GBP2: variants seen among roughly 807,000 people sequenced by gnomAD.
GBP2 encodes guanylate binding protein 2.
In GBP2, 54 loss-of-function variants were observed where a neutral mutation model predicts 60.8. The ratio of observed to expected loss-of-function variants is 0.89; its 90% CI spans 0.71 to 1.11. The LOEUF (loss-of-function observed/expected upper bound fraction) is 1.11, where lower values mean the gene tolerates loss of function less well. GBP2 is among the 50% of genes most tolerant of loss of function. The probability of loss-of-function intolerance (pLI) is 0.00; values close to 1 mark genes in which losing one functional copy is unlikely to be tolerated. For missense variants in GBP2, 665 were observed against 703.3 expected, an observed-to-expected ratio of 0.95 and a Z score of 0.62; for synonymous variants, 243 against 256.5, an observed-to-expected ratio of 0.95 and a Z score of 0.50.
chr1:89,113,484 T>C (rs1471398652), intron 7 of GBP2, among the ~76,000 whole-genome samples: 7 of 152,208 alleles, frequency 4.6e-5, no homozygotes, highest in Non-Finnish European at 1.0e-4. Flanking sequence ...CCTGCCTTCC[T>C]AGCTAGGGAA....
Position 89,110,211 on chromosome 1 carries a change from A to G in GBP2, c.1418T>C (p.Leu473Pro), listed in dbSNP as rs773147387. Residue 473 changes from leucine to proline, a missense_variant, in exon 9 of 11, where the codon CTT (leucine) becomes CCT (proline). By Grantham distance (98) the Leu-to-Pro change is moderately conservative. Transcript: ENST00000370466. ...TGAGAGTGACTGATCAGTCTGTAGAAGTGCATCAGCCACATCCTCCTTGGA... is the reference window on the plus strand; with the variant it reads ...TGAGAGTGACTGATCAGTCTGTAGAGGTGCATCAGCCACATCCTCCTTGGA... ...LESKEDVADA[L>P]LQTDQSLSEK... 17 of 1,613,842 alleles carry G rather than the reference A, an allele frequency of 1.1e-5. No individual in the cohort carries two copies. Among genetic ancestry groups the G allele is most frequent in the South Asian group, 4.4e-5 (4 of 91,076 alleles).
chr1:89,114,467 T>G (rs1681228644), intron 6 of GBP2, among the ~76,000 whole-genome samples, 171 bp from the exon 7 acceptor site: 1 of 152,208 alleles, frequency 6.6e-6, no homozygotes, highest in Admixed American at 6.5e-5. Flanking sequence ...AGTGGCTCTT[T>G]CCTATTTCCT....
At chr1:89,116,303 C>T (rs1419427772) in intron 6 of GBP2, among the ~76,000 whole-genome samples, 13 of 152,122 alleles carry the variant, frequency 8.5e-5, no homozygotes, top group Non-Finnish European at 1.2e-4. Flanking sequence ...CATTAGCCAC[C>T]GTGCCCAGCC....
chr1:89,109,084 G>A (rs193263537), intron 10 of GBP2, among the ~76,000 whole-genome samples: 2 of 152,060 alleles, frequency 1.3e-5, no homozygotes, highest in African/African-American at 2.4e-5. Flanking sequence ...TGATAGAGAC[G>A]GGGTTTCTCC....
chr1:89,125,474 G>C (rs1330629764), intron 1 of GBP2, among the ~76,000 whole-genome samples: 2 of 152,184 alleles, frequency 1.3e-5, no homozygotes, highest in Non-Finnish European at 2.9e-5. Flanking sequence ...CACAAAGACT[G>C]TATAAGCTCC....
At chr1:89,124,668 T>C (rs1250402216) in intron 1 of GBP2, among the ~76,000 whole-genome samples, 2 of 152,214 alleles carry the variant, frequency 1.3e-5, no homozygotes, top group Admixed American at 1.3e-4. Context: ...AGTGGCTTCT[T>C]CCTATCACTA....
chr1:89,112,761 G>A (rs1278788113), intron 7 of GBP2, 77 bp from the exon 8 acceptor site: 6 of 1,181,250 alleles, frequency 5.1e-6, no homozygotes, highest in African/African-American at 1.5e-5. Context: ...ACTGGAAAAT[G>A]CTTCTCCTTC....
In GBP2 at chr1:89,115,748, G is replaced by A. The variant is rs559740049; in HGVS notation, c.868+1244C>T. 2.1e-4 allele frequency among the ~76,000 whole-genome samples: 32 copies of A among 152,248 alleles called. 1 individual carries two copies. Among genetic ancestry groups the A allele is most frequent in the African/African-American group, 7.7e-4 (32 of 41,548 alleles). ...CCTGAGTAGCTAGGACTCTGGGCAA[G>A]CACCACTGCACTTGGCTGATTTTTA... On this transcript the variant is annotated intron_variant, in intron 6 of 10. Transcript: ENST00000370466.
chr1:89,117,502 G>A, intron 5 of GBP2, 75 bp downstream of exon 5: 2 of 1,242,606 alleles, frequency 1.6e-6, no homozygotes, highest in South Asian at 1.3e-5. Context: ...ATAATTTTTA[G>A]CACTGCACAG....
At chr1:89,115,121 T>C (rs1681243217) in intron 6 of GBP2, among the ~76,000 whole-genome samples, 1 of 152,234 alleles carries the variant, frequency 6.6e-6, no homozygotes, top group Non-Finnish European at 1.5e-5. Context: ...TACTATCTCA[T>C]TAAATAACAC....
Position 89,112,457 on chromosome 1 carries a change from C to T in GBP2, c.1362+15G>A. On this transcript the variant is annotated intron_variant, in intron 8 of 10. Transcript: ENST00000370466. ...TCAGCGAGTCCCAAGAAATGGTACC[C>T]ACCGTGTAGTTTACCTGTATCCCCT... The T allele has an allele frequency of 6.2e-7, 1 of 1,610,842 alleles. No homozygotes were observed. Among genetic ancestry groups the T allele is most frequent in the African/African-American group, 1.3e-5 (1 of 74,956 alleles).
chr1:89,110,309 G>A (rs747772133), intron 8 of GBP2, 43 bp from the exon 9 acceptor site: 1 of 1,464,128 alleles, frequency 6.8e-7, no homozygotes, highest in Non-Finnish European at 9.5e-7. Context: ...GAGTGATTGT[G>A]GGTTAGATCC....
In GBP2 at chr1:89,117,667, T is replaced by G; in HGVS notation, c.535A>C (p.Thr179Pro). ...FVSFFPAFVW[T>P]LRDFTLELEV... The stretch of plus-strand genomic sequence containing the variant: ...AGTTCCAGGGTGAAATCTCTGAGAG[T>G]CCACACAAATGCTGGAAAAAAGCTC... The change falls in exon 5 of 11, where the codon ACT (threonine) becomes CCT (proline). Residue 179 changes from threonine (T) to proline (P), a missense_variant. Transcript: ENST00000370466. 1 of 1,613,906 alleles carries G rather than the reference T, an allele frequency of 6.2e-7. No individual in the cohort carries two copies. Among genetic ancestry groups the G allele is most frequent in the East Asian group, 2.2e-5 (1 of 44,854 alleles).
intron 4 of GBP2, chr1:89,118,003 T>C (rs1208030083): frequency 5.5e-6 from 2 of 362,932 alleles, no homozygotes; most frequent in Non-Finnish European, 9.9e-6. Context: ...GCTACCACTA[T>C]AGAGCTTACA....
intron 7 of GBP2, among the ~76,000 whole-genome samples, chr1:89,113,375 T>C (rs114091966): frequency 0.019 from 2,894 of 152,334 alleles, 86 homozygotes; most frequent in African/African-American, 0.066. Flanking sequence ...ACTATGAAGC[T>C]TTCTCTTTCC....
chr1:89,123,197 C>T (rs990823486), intron 1 of GBP2, among the ~76,000 whole-genome samples: 4 of 152,108 alleles, frequency 2.6e-5, no homozygotes, highest in Non-Finnish European at 4.4e-5. Flanking sequence ...GCCTTAGAAT[C>T]GACCATTTCT....
At chr1:89,109,452 A>T (rs185617097) in intron 10 of GBP2, among the ~76,000 whole-genome samples, 2 of 152,340 alleles carry the variant, frequency 1.3e-5, no homozygotes, top group African/African-American at 4.8e-5. Flanking sequence ...AGTGCCTAGC[A>T]ATGTTTATTA....
In GBP2 at chr1:89,126,072, G is replaced by A. The variant is rs908788742; in HGVS notation, c.-227C>T. 4 of 152,180 alleles carry A rather than the reference G, an allele frequency of 2.6e-5. No homozygotes were observed. Among genetic ancestry groups the A allele is most frequent in the African/African-American group, 9.7e-5 (4 of 41,444 alleles). 9.4% of individuals were successfully genotyped at this position (152,180 alleles called of 1,614,324 possible). A position where few individuals can be genotyped will look rare whatever the true frequency, so the allele number is the denominator to read the frequency against. Reference sequence around the variant, plus strand: ...TGTCAATGTCAGAGACCTGACGAGAGACAAGAAAAAGAGGTAACCTCTGCA... The same window carrying A: ...TGTCAATGTCAGAGACCTGACGAGAAACAAGAAAAAGAGGTAACCTCTGCA... On this transcript the variant is annotated 5_prime_UTR_variant, in exon 1 of 11. Coordinates refer to ENST00000370466, the MANE Select transcript of GBP2 (RefSeq NM_004120.5).
Position 89,114,016 on chromosome 1 carries a change from C to T in GBP2, c.1149G>A (p.Gly383=), listed in dbSNP as rs1681218872. Residue 383 remains glycine (G), a splice_region_variant and synonymous_variant, in exon 7 of 11, where the codon GGG becomes GGA. Coordinates refer to ENST00000370466, the MANE Select transcript of GBP2 (RefSeq NM_004120.5). The part of the protein sequence containing the change: ...DVDQMFQRKL[G]AQLEARRDDF... The stretch of plus-strand genomic sequence containing the variant: ...TCATGACGTAGAACACCAAATATAC[C>T]CCTAATTTCCTCTGGAACATTTGGT... The T allele has an allele frequency of 1.9e-6, 3 of 1,613,892 alleles. No homozygotes were observed. The highest frequency in any genetic ancestry group is 2.2e-5 in the South Asian group (2 of 91,068).
Sources: gnomAD v4.1 joint callset for allele counts (sites outside exome capture counted in the v4.1 genomes callset) on GRCh38, gnomAD v4.1.1 for gene constraint, MANE v1.5 for transcripts, NCBI Gene and HGNC (gene_info 2026-07-23, HGNC 2026-07-21) for gene names.